Variants in GALNTL6 observed in about 807,000 individuals in gnomAD.
The protein encoded by GALNTL6 is polypeptide N-acetylgalactosaminyltransferase like 6, also known as polypeptide N-acetylgalactosaminyltransferase-like 6.
Under a neutral mutation model 73.7 loss-of-function variants are expected in GALNTL6, and 46 were observed. The ratio of observed to expected loss-of-function variants is 0.62; its 90% CI spans 0.49 to 0.80. The LOEUF (loss-of-function observed/expected upper bound fraction) is 0.80. Ranked by LOEUF, GALNTL6 falls within the 30% of genes least tolerant of loss-of-function variation. The pLI, the probability that GALNTL6 is intolerant of heterozygous loss-of-function variation, is 0.00. For synonymous variants in GALNTL6, 259 were observed against 263.7 expected, an observed-to-expected ratio of 0.98 and a Z score of 0.17; for missense variants, 604 against 755.0, an observed-to-expected ratio of 0.80 and a Z score of 2.34.
At chr4:172,026,563 C>T (rs1033432216) in intron 2 of GALNTL6, among the ~76,000 whole-genome samples, 1 of 152,054 alleles carries the variant, frequency 6.6e-6, no homozygotes, top group African/African-American at 2.4e-5. Context: ...AAATTCAAAA[C>T]ATATATAGTA....
chr4:172,584,410 G>C (rs1737324422), intron 5 of GALNTL6, among the ~76,000 whole-genome samples: 1 of 152,200 alleles, frequency 6.6e-6, no homozygotes, highest in African/African-American at 2.4e-5. Context: ...GATATAGCTA[G>C]AGAGCTGGCA....
chr4:172,055,275 A>C (rs1389485100), intron 2 of GALNTL6, among the ~76,000 whole-genome samples: 1 of 152,174 alleles, frequency 6.6e-6, no homozygotes, highest in Non-Finnish European at 1.5e-5. Context: ...ACAAGGAAAG[A>C]ATCAGGCTAT....
intron 5 of GALNTL6, among the ~76,000 whole-genome samples, chr4:172,354,365 A>G (rs1561042071): frequency 1.3e-5 from 2 of 152,152 alleles, no homozygotes; most frequent in Non-Finnish European, 2.9e-5. Context: ...ATATAACAGT[A>G]TATTTAGAAA....
rs184810917 is a variant in GALNTL6 at position 172,470,246 on chromosome 4, G to A, written c.553+121557G>A. Among the ~76,000 whole-genome samples, 14 of 152,236 alleles carry A rather than the reference G, an allele frequency of 9.2e-5. No homozygotes were observed. In the East Asian group the frequency reaches 2.7e-3, roughly 29 times the overall value. On this transcript the variant is annotated intron_variant, in intron 5 of 12. Coordinates refer to ENST00000506823, the MANE Select transcript of GALNTL6 (RefSeq NM_001034845.3). The stretch of plus-strand genomic sequence containing the variant: ...GTATCATTGTCCTCACATCACAGAA[G>A]CTGGAAAAGAGGCTTTGAAATTTAG...
chr4:172,052,494 T>C (rs750131581), intron 2 of GALNTL6: 297 of 1,535,096 alleles, frequency 1.9e-4, no homozygotes, highest in Middle Eastern at 3.3e-4. Context: ...AATCCAAGCA[T>C]TAGTGCAGAC....
intron 2 of GALNTL6, among the ~76,000 whole-genome samples, chr4:171,879,244 G>A (rs1308488156): frequency 1.3e-5 from 2 of 152,052 alleles, no homozygotes; most frequent in South Asian, 4.1e-4. Context: ...CTTTGAGATA[G>A]GTATGTTATG....
At chr4:172,210,682 G>C (rs1190495494) in intron 2 of GALNTL6, among the ~76,000 whole-genome samples, 1 of 152,066 alleles carries the variant, frequency 6.6e-6, no homozygotes, top group African/African-American at 2.4e-5. Flanking sequence ...CCACTATAAA[G>C]TTATTCTCAC....
At position 172,813,559 on chromosome 4, in the gene GALNTL6, C is replaced by T; in HGVS notation, c.759C>T (p.His253=). Residue 253 remains histidine, a synonymous_variant, in exon 7 of 13, where the codon CAC becomes CAT. Coordinates refer to ENST00000506823, the MANE Select transcript of GALNTL6 (RefSeq NM_001034845.3). The part of the protein sequence containing the change: ...PPLLNQIALN[H]KTIVCPMIDV... ...TTTCAGACCAAATTGCACTAAACCA[C>T]AAAACCATCGTGTGTCCCATGATCG... 1 of 1,605,680 alleles carries T rather than the reference C, an allele frequency of 6.2e-7. No homozygotes were observed. The highest frequency in any genetic ancestry group is 8.5e-7 in the Non-Finnish European group (1 of 1,173,236).
intron 5 of GALNTL6, among the ~76,000 whole-genome samples, chr4:172,606,667 A>ATATATACTATATATATAGTATATATATAC (rs1560832464): frequency 6.9e-4 from 31 of 44,912 alleles, no homozygotes; most frequent in African/African-American, 1.3e-3. Context: ...TATATACTAT[A>ATATATACTATATATATAGTATATATATAC]TATATATACT....
chr4:171,961,956 A>G (rs184715990), intron 2 of GALNTL6, among the ~76,000 whole-genome samples: 1 of 152,338 alleles, frequency 6.6e-6, no homozygotes. Context: ...TATGTTTACA[A>G]TGAAAGATAA....
intron 2 of GALNTL6, among the ~76,000 whole-genome samples, chr4:171,973,781 A>T (rs1184103309): frequency 2.0e-5 from 3 of 152,094 alleles, no homozygotes; most frequent in African/African-American, 7.2e-5. Flanking sequence ...AATAATAATT[A>T]TTGTTATTAT....
Position 172,545,310 on chromosome 4 carries a change from G to A in GALNTL6, c.553+196621G>A, listed in dbSNP as rs74760279. 7.9e-3 allele frequency among the ~76,000 whole-genome samples: 1,208 copies of A among 152,186 alleles called. 18 individuals carry two copies. Among genetic ancestry groups the A allele is most frequent in the African/African-American group, 0.027 (1,132 of 41,516 alleles). On this transcript the variant is annotated intron_variant, in intron 5 of 12. Transcript: ENST00000506823. Reference sequence around the variant, plus strand: ...TCTACTTTATAATTTCTTTCACTCTGTAAGAGCTGTGAAGAAAAAAGGTGA... The same window carrying A: ...TCTACTTTATAATTTCTTTCACTCTATAAGAGCTGTGAAGAAAAAAGGTGA...
intron 4 of GALNTL6, among the ~76,000 whole-genome samples, chr4:172,312,975 C>T (rs1369743827): frequency 6.6e-6 from 1 of 152,102 alleles, no homozygotes; most frequent in East Asian, 1.9e-4. Flanking sequence ...CTGAAATTAT[C>T]TACAGTAATT....
chr4:171,982,610 G>T (rs997462799), intron 2 of GALNTL6, among the ~76,000 whole-genome samples: 1 of 152,054 alleles, frequency 6.6e-6, no homozygotes, highest in Non-Finnish European at 1.5e-5. Context: ...AAGTACTTTC[G>T]TTTGCTTCTT....
At chr4:171,872,176 AT>A (rs1309796576) in intron 2 of GALNTL6, among the ~76,000 whole-genome samples, 1 of 152,142 alleles carries the variant, frequency 6.6e-6, no homozygotes, top group East Asian at 1.9e-4. Context: ...TTGGAGAAAC[AT>A]TTTTTATTTC....
At chr4:172,256,918 G>T (rs1421194182) in intron 3 of GALNTL6, among the ~76,000 whole-genome samples, 2 of 151,116 alleles carry the variant, frequency 1.3e-5, no homozygotes, top group African/African-American at 4.8e-5. Flanking sequence ...TGTTCTCATG[G>T]TAAGGTTCAG....
chr4:172,453,419 T>C (rs1732284184), intron 5 of GALNTL6, among the ~76,000 whole-genome samples: 1 of 152,246 alleles, frequency 6.6e-6, no homozygotes, highest in Admixed American at 6.5e-5. Flanking sequence ...ATTTTAGCTA[T>C]AAATCATGCA....
chr4:172,889,848 A>G (rs912834428), intron 8 of GALNTL6, among the ~76,000 whole-genome samples: 1 of 152,050 alleles, frequency 6.6e-6, no homozygotes, highest in Non-Finnish European at 1.5e-5. Flanking sequence ...TCTTCGTTGT[A>G]TGGTTGGTAA....
At chr4:172,653,235 T>TC (rs1740569824) in intron 5 of GALNTL6, among the ~76,000 whole-genome samples, 1 of 151,534 alleles carries the variant, frequency 6.6e-6, no homozygotes, top group Non-Finnish European at 1.5e-5. Context: ...TTTTTTTTTT[T>TC]TGAGACAAAA....
Sources: gnomAD v4.1 joint callset for allele counts (sites outside exome capture counted in the v4.1 genomes callset) on GRCh38, gnomAD v4.1.1 for gene constraint, MANE v1.5 for transcripts, NCBI Gene and HGNC (gene_info 2026-07-23, HGNC 2026-07-21) for gene names.